Variants in ERBIN observed in about 807,000 individuals in gnomAD.
ERBIN encodes the protein erbb2 interacting protein, also known as densin-180-like protein.
ERBIN carries 60 observed loss-of-function variants against 158.4 expected under a neutral mutation model. That is an observed-to-expected ratio of 0.38 (90% CI 0.31 to 0.47). The LOEUF is 0.47. Among genes scored for constraint, ERBIN ranks in the 20% least tolerant of loss-of-function variants. The pLI is 0.99. For missense variants in ERBIN, 1,610 were observed against 1,648.0 expected (o/e 0.98, Z 0.40); for synonymous variants, 594 against 557.2 (o/e 1.07, Z -0.93).
chr5:65,938,005 T>C (rs941427518), intron 1 of ERBIN, among the ~76,000 whole-genome samples: 46 of 152,228 alleles, frequency 3.0e-4, no homozygotes, highest in African/African-American at 1.1e-3. Context: ...TACGATAGCA[T>C]ATCTCTTTCT....
chr5:65,985,167 C>T (rs1016075455), intron 1 of ERBIN, among the ~76,000 whole-genome samples: 5 of 152,228 alleles, frequency 3.3e-5, no homozygotes, highest in Non-Finnish European at 5.9e-5. Context: ...AATCTTGGCT[C>T]ACTCCAGCCT....
intron 21 of ERBIN, among the ~76,000 whole-genome samples, chr5:66,061,998 T>C (rs1006610797): frequency 3.3e-5 from 5 of 152,220 alleles, no homozygotes; most frequent in African/African-American, 1.2e-4. Flanking sequence ...ATTTCAACTT[T>C]GGTGAATCTG....
chr5:66,076,992 T>A, intron 25 of ERBIN, 43 bp downstream of exon 25: 2 of 1,333,766 alleles, frequency 1.5e-6, no homozygotes, highest in Non-Finnish European at 2.1e-6. Context: ...TATAACACTC[T>A]AATGTTTTCA....
intron 21 of ERBIN, among the ~76,000 whole-genome samples, chr5:66,063,874 A>T (rs529823736): frequency 6.6e-6 from 1 of 152,330 alleles, no homozygotes; most frequent in South Asian, 2.1e-4. Context: ...ATACACACTT[A>T]TATACGTACA....
chr5:66,018,785 C>T (rs949325361), intron 7 of ERBIN, among the ~76,000 whole-genome samples: 31 of 148,348 alleles, frequency 2.1e-4, no homozygotes, highest in Middle Eastern at 3.5e-3. Context: ...TACAGGCGCC[C>T]GCCACTACTC....
chr5:66,053,283 T>C (rs1302380984), intron 20 of ERBIN, 123 bp from the exon 21 acceptor site: 1 of 517,172 alleles, frequency 1.9e-6, no homozygotes, highest in African/African-American at 2.0e-5. Context: ...AATAAATGCC[T>C]TTTGTCTTTG....
At chr5:65,948,572 T>A (rs1190408225) in intron 1 of ERBIN, among the ~76,000 whole-genome samples, 2 of 152,048 alleles carry the variant, frequency 1.3e-5, no homozygotes, top group Non-Finnish European at 2.9e-5. Flanking sequence ...CTAATGTAGT[T>A]TACAATGGTA....
chr5:66,075,109 TGGCAA>T lies in ERBIN; in HGVS notation c.3847_3851del (p.Arg1283SerfsTer3). On this transcript the variant is annotated frameshift_variant, in exon 23 of 26. Transcript: ENST00000284037. LOFTEE classifies it high-confidence loss of function. ...ATACATCACCCCCCTCAGGCATCTG[TGGCAA>T]GGCATCCCTCTAGAGAACAACTAAT... is the stretch of plus-strand genomic sequence containing the variant. 6.2e-7 allele frequency: 1 copy of T among 1,614,176 alleles called. No individual in the cohort carries two copies. The highest frequency in any genetic ancestry group is 1.3e-5 in the African/African-American group (1 of 75,058).
At position 66,036,242 on chromosome 5, in the gene ERBIN, T is replaced by C. The variant is rs535590745; in HGVS notation, c.1207-2141T>C. ...TGTTGCTACCAGTTCCAATCCCTTATTACCCATTCTGAACCACATTGTGAT... is the reference window on the plus strand; with the variant it reads ...TGTTGCTACCAGTTCCAATCCCTTACTACCCATTCTGAACCACATTGTGAT... On this transcript the variant is annotated intron_variant, in intron 14 of 25. Transcript: ENST00000284037. Among the ~76,000 whole-genome samples the C allele has an allele frequency of 2.0e-5, 3 of 152,328 alleles. No individual in the cohort carries two copies. The South Asian group carries it at 6.2e-4, about 32-fold the overall frequency.
At chr5:65,962,515 C>G (rs577634308) in intron 1 of ERBIN, among the ~76,000 whole-genome samples, 27 of 152,270 alleles carry the variant, frequency 1.8e-4, no homozygotes, top group African/African-American at 4.8e-4. Flanking sequence ...TAGCTTTTTA[C>G]TATAACATAG....
At chr5:66,068,520 A>G (rs1761229923) in intron 21 of ERBIN, among the ~76,000 whole-genome samples, 1 of 152,150 alleles carries the variant, frequency 6.6e-6, no homozygotes, top group Non-Finnish European at 1.5e-5. Context: ...TCTGTTCTGT[A>G]TATGACTTTA....
intron 1 of ERBIN, among the ~76,000 whole-genome samples, chr5:65,963,876 G>C (rs961477594): frequency 6.7e-6 from 1 of 149,170 alleles, no homozygotes; most frequent in African/African-American, 2.5e-5. Context: ...TGCAAGCTCC[G>C]CCTCCTGGAG....
Position 65,929,600 on chromosome 5 carries a change from CTA to C in ERBIN, c.-58+2796_-58+2797del, listed in dbSNP as rs1335633448. Among the ~76,000 whole-genome samples the C allele has an allele frequency of 3.7e-4, 55 of 147,978 alleles. 1 individual carries two copies. The highest frequency in any genetic ancestry group is 1.3e-4 in the Non-Finnish European group (9 of 67,342). On this transcript the variant is annotated intron_variant, in intron 1 of 25. Coordinates refer to ENST00000284037, the MANE Select transcript of ERBIN (RefSeq NM_001253697.2). The stretch of plus-strand genomic sequence containing the variant: ...GTTTTCTTTTTCTGGGAATACATCT[CTA>C]TTATAAACCTCTAAAGATGTCTTTG...
chr5:66,054,538 A>G lies in ERBIN; in HGVS notation c.3220A>G (p.Ile1074Val), dbSNP rs537123225. The change falls in exon 21 of 26, where the codon ATC becomes GTC. Residue 1074 changes from isoleucine to valine, a missense_variant. Physicochemically the swap from Ile to Val is conservative, Grantham distance 29. Coordinates refer to ENST00000284037, the MANE Select transcript of ERBIN (RefSeq NM_001253697.2). ...RLIPAVTRSTIQRQSSVSSTA... is the reference protein window; with the variant it reads ...RLIPAVTRSTVQRQSSVSSTA... ...TATTCCTGCAGTAACTCGAAGTACA[A>G]TCCAGCGACAAAGTAGTGTGTCCTC... 1.6e-5 allele frequency: 26 copies of G among 1,614,192 alleles called. No individual in the cohort carries two copies. The African/African-American group carries it at 1.7e-4, about 11-fold the overall frequency.
intron 2 of ERBIN, among the ~76,000 whole-genome samples, chr5:65,990,337 T>G (rs1391405642): frequency 6.6e-6 from 1 of 152,178 alleles, no homozygotes; most frequent in Non-Finnish European, 1.5e-5. Flanking sequence ...TGCATATAGT[T>G]TATCTAAAGA....
At chr5:65,970,713 A>T (rs1418485834) in intron 1 of ERBIN, among the ~76,000 whole-genome samples, 2 of 152,064 alleles carry the variant, frequency 1.3e-5, no homozygotes, top group Non-Finnish European at 2.9e-5. Flanking sequence ...CAGCCTCCCA[A>T]GTGTAGCTGG....
Position 66,053,843 on chromosome 5 carries a change from A to T in ERBIN, c.2525A>T (p.Asp842Val), listed in dbSNP as rs148176113. ...SPNRTEPHDS[D>V]CSVDLGISKS... The stretch of plus-strand genomic sequence containing the variant: ...AATAGGACTGAACCACATGACAGTG[A>T]TTGTTCTGTTGACTTAGGTATTTCC... Residue 842 changes from aspartate to valine, a missense_variant, in exon 21 of 26, where the codon GAT becomes GTT. Coordinates refer to ENST00000284037, the MANE Select transcript of ERBIN (RefSeq NM_001253697.2). 3.5e-5 allele frequency: 57 copies of T among 1,614,098 alleles called. No individual in the cohort carries two copies. In the African/African-American group the frequency reaches 7.5e-4, roughly 21 times the overall value.
At chr5:66,020,105 T>C (rs559633279) in intron 7 of ERBIN, among the ~76,000 whole-genome samples, 47 of 152,162 alleles carry the variant, frequency 3.1e-4, no homozygotes, top group African/African-American at 1.0e-3. Context: ...TACCTGAGAA[T>C]AGGCACTTAG....
At chr5:65,979,716 A>G (rs1750436856) in intron 1 of ERBIN, among the ~76,000 whole-genome samples, 2 of 152,366 alleles carry the variant, frequency 1.3e-5, no homozygotes, top group South Asian at 2.1e-4. Flanking sequence ...AATTGATCAA[A>G]TAGCCTTAAT....
Sources: allele counts gnomAD v4.1 joint callset (sites outside exome capture counted in the v4.1 genomes callset), GRCh38; gene constraint gnomAD v4.1.1; transcripts MANE v1.5; gene names NCBI Gene and HGNC (gene_info 2026-07-23, HGNC 2026-07-21).